Variants in CAMTA1 observed in about 807,000 individuals in gnomAD.
The protein encoded by CAMTA1 is calmodulin binding transcription activator 1, also known as calmodulin-binding transcription activator 1.
In CAMTA1, 27 loss-of-function variants were observed where a neutral mutation model predicts 170.9. The observed-to-expected ratio is 0.16, with a 90% confidence interval of 0.12 to 0.22. The LOEUF (loss-of-function observed/expected upper bound fraction) is 0.22, where lower values mean the gene tolerates loss of function less well. CAMTA1 is among the 10% of genes least tolerant of loss of function. The pLI, the probability that CAMTA1 is intolerant of heterozygous loss-of-function variation, is 1.00. For synonymous variants in CAMTA1, 833 were observed against 891.5 expected, an observed-to-expected ratio of 0.93 and a Z score of 1.17; for missense variants, 1,619 against 2,217.2, an observed-to-expected ratio of 0.73 and a Z score of 5.42.
chr1:7,574,902 A>C (rs1285573372), intron 6 of CAMTA1, among the ~76,000 whole-genome samples: 1 of 152,164 alleles, frequency 6.6e-6, no homozygotes, highest in Non-Finnish European at 1.5e-5. Flanking sequence ...CCCCAACCCC[A>C]GCCCAGTCCC....
Position 7,542,838 on chromosome 1 carries a change from A to AGTTTGTGTGTGT in CAMTA1, c.510+74939_510+74940insTTGTGTGTGTGT, listed in dbSNP as rs745940570. Among the ~76,000 whole-genome samples, 50 of 56,016 alleles carry AGTTTGTGTGTGT rather than the reference A, an allele frequency of 8.9e-4. 1 individual carries two copies. Among genetic ancestry groups the AGTTTGTGTGTGT allele is most frequent in the African/African-American group, 2.2e-3 (32 of 14,600 alleles). 36.7% of individuals were successfully genotyped at this position (56,016 alleles called of 152,430 possible). A position where few individuals can be genotyped will look rare whatever the true frequency, so the allele number is the denominator to read the frequency against. On this transcript the variant is annotated intron_variant, in intron 6 of 22. Transcript: ENST00000303635. ...AGCCACCACGCCTGGCCTAAAACAC[A>AGTTTGTGTGTGT]GTGTGTGTGTGTGTGTGTGTGTGTG...
chr1:6,808,944 G>A (rs1341185211), intron 1 of CAMTA1, among the ~76,000 whole-genome samples: 1 of 152,120 alleles, frequency 6.6e-6, no homozygotes, highest in African/African-American at 2.4e-5. Flanking sequence ...ATTTAGTGAG[G>A]CCAGACTGAG....
chr1:7,483,256 G>A (rs867653001), intron 6 of CAMTA1, among the ~76,000 whole-genome samples: 2 of 152,230 alleles, frequency 1.3e-5, no homozygotes, highest in African/African-American at 4.8e-5. Flanking sequence ...AGCTCAGGGA[G>A]GAAATCAGGA....
intron 4 of CAMTA1, among the ~76,000 whole-genome samples, chr1:7,165,938 T>G (rs1260249670): frequency 2.6e-5 from 4 of 152,224 alleles, no homozygotes; most frequent in African/African-American, 7.2e-5. Flanking sequence ...TTATGTATCT[T>G]ACATATGTAT....
intron 5 of CAMTA1, among the ~76,000 whole-genome samples, chr1:7,269,187 C>T (rs191997068): frequency 8.5e-5 from 13 of 152,330 alleles, no homozygotes; most frequent in Admixed American, 6.5e-5. Flanking sequence ...GCTGAGGTCT[C>T]ATCTGAAGGC....
At position 7,062,575 on chromosome 1, in the gene CAMTA1, C is replaced by T. The variant is rs1708381714; in HGVS notation, c.235-28729C>T. Among the ~76,000 whole-genome samples, 3 of 152,136 alleles carry T rather than the reference C, an allele frequency of 2.0e-5. No individual in the cohort carries two copies. In the South Asian group the frequency reaches 6.2e-4, roughly 32 times the overall value. On this transcript the variant is annotated intron_variant, in intron 3 of 22. Transcript: ENST00000303635. ...ACGGACAGGCACAGGCTCCACCGAG[C>T]AGCCGCGCTAAGGAGCTGTGGGGTG... is the stretch of plus-strand genomic sequence containing the variant.
intron 22 of CAMTA1, among the ~76,000 whole-genome samples, chr1:7,761,552 A>G (rs2096975971): frequency 6.6e-6 from 1 of 152,230 alleles, no homozygotes; most frequent in African/African-American, 2.4e-5. Context: ...TGTGTGTAAC[A>G]TAACAAAAGT....
chr1:7,764,066 T>C (rs1198833045), intron 22 of CAMTA1, among the ~76,000 whole-genome samples: 1 of 152,166 alleles, frequency 6.6e-6, no homozygotes, highest in African/African-American at 2.4e-5. Flanking sequence ...AGATATTGCA[T>C]GTTTAAAAAT....
At chr1:7,147,280 T>C (rs1409650022) in intron 4 of CAMTA1, among the ~76,000 whole-genome samples, 1 of 151,966 alleles carries the variant, frequency 6.6e-6, no homozygotes, top group Non-Finnish European at 1.5e-5. Flanking sequence ...CAAAATTAGC[T>C]GGGTGTGGTG....
rs2096855871 is a variant in CAMTA1 at position 7,746,186 on chromosome 1, C to A, written c.4617+95C>A. ...ATGCGAACAAAAACATTTACTATTT[C>A]TTTTTTTCCTCTGAATTTGTAGAAT... On this transcript the variant is annotated intron_variant, in intron 18 of 22. Transcript: ENST00000303635. The A allele has an allele frequency of 2.1e-6, 3 of 1,417,338 alleles. No homozygotes were observed. The Admixed American group carries it at 6.8e-5, about 32-fold the overall frequency. The allele number at this position is 1,417,338 out of a possible 1,614,324, so 87.8% of individuals were successfully genotyped here. A position where few individuals can be genotyped will look rare whatever the true frequency, so the allele number is the denominator to read the frequency against.
chr1:6,785,577 T>C lies in CAMTA1; in HGVS notation c.45+2T>C. ...TGGCTGCCGAAAACAAGCCGGAAGG[T>C]AAGAGCCGGAGCGCGAGGGGCTGGG... On this transcript the variant is annotated splice_donor_variant, in intron 1 of 22. Transcript: ENST00000303635. LOFTEE classifies it high-confidence loss of function. The C allele has an allele frequency of 9.5e-7, 1 of 1,053,688 alleles. No homozygotes were observed. Among genetic ancestry groups the C allele is most frequent in the African/African-American group, 1.8e-5 (1 of 54,302 alleles). The allele number at this position is 1,053,688 out of a possible 1,614,324, so 65.3% of individuals were successfully genotyped here.
intron 3 of CAMTA1, among the ~76,000 whole-genome samples, chr1:6,841,935 C>G (rs1335846836): frequency 6.6e-6 from 1 of 152,176 alleles, no homozygotes; most frequent in African/African-American, 2.4e-5. Context: ...TGCTGTCATT[C>G]CACGGGTGGT....
At chr1:7,409,303 G>T (rs1448555676) in intron 5 of CAMTA1, among the ~76,000 whole-genome samples, 4 of 152,194 alleles carry the variant, frequency 2.6e-5, no homozygotes, top group African/African-American at 9.7e-5. Context: ...CTTGGAGGGA[G>T]GAGAGCCCAC....
At chr1:7,520,830 T>A (rs2094356080) in intron 6 of CAMTA1, among the ~76,000 whole-genome samples, 1 of 152,008 alleles carries the variant, frequency 6.6e-6, no homozygotes, top group African/African-American at 2.4e-5. Flanking sequence ...GGCACCTCAT[T>A]CCCCAGGTAT....
intron 3 of CAMTA1, among the ~76,000 whole-genome samples, chr1:7,060,075 G>A (rs1377770071): frequency 1.3e-5 from 2 of 152,170 alleles, no homozygotes; most frequent in African/African-American, 4.8e-5. Context: ...CTACAGGCCT[G>A]TGAGTCTTAA....
chr1:7,695,322 C>T (rs374917273), intron 11 of CAMTA1, among the ~76,000 whole-genome samples: 3 of 152,328 alleles, frequency 2.0e-5, no homozygotes, highest in East Asian at 1.9e-4. Flanking sequence ...GAAGAGGGCG[C>T]GGCAGGGAGC....
intron 5 of CAMTA1, among the ~76,000 whole-genome samples, chr1:7,385,582 G>A (rs540040470): frequency 5.3e-4 from 80 of 152,300 alleles, no homozygotes; most frequent in African/African-American, 1.9e-3. Flanking sequence ...CTCACTCACA[G>A]GGAGAGCCCC....
At chr1:7,217,158 A>G (rs902644314) in intron 4 of CAMTA1, among the ~76,000 whole-genome samples, 1 of 152,186 alleles carries the variant, frequency 6.6e-6, no homozygotes, top group African/African-American at 2.4e-5. Context: ...AGTTTCCCCC[A>G]TACTGTTTTC....
intron 7 of CAMTA1, among the ~76,000 whole-genome samples, chr1:7,648,318 G>A (rs2095823465): frequency 6.6e-6 from 1 of 152,010 alleles, no homozygotes; most frequent in South Asian, 2.1e-4. Flanking sequence ...CTTGAACCCA[G>A]TAGGTGGAGG....
Sources: gnomAD v4.1 joint callset for allele counts (sites outside exome capture counted in the v4.1 genomes callset) on GRCh38, gnomAD v4.1.1 for gene constraint, MANE v1.5 for transcripts, NCBI Gene and HGNC (gene_info 2026-07-23, HGNC 2026-07-21) for gene names.